Variants in CNTNAP2 observed in about 807,000 individuals in gnomAD.
The protein encoded by CNTNAP2 is contactin-associated protein-like 2.
A neutral mutation model predicts 155.2 loss-of-function variants in CNTNAP2; 98 were observed. The ratio of observed to expected loss-of-function variants is 0.63; its 90% CI spans 0.54 to 0.75. The LOEUF is 0.75. Among genes scored for constraint, CNTNAP2 ranks in the 30% least tolerant of loss-of-function variants. The pLI, the probability that CNTNAP2 is intolerant of heterozygous loss-of-function variation, is 0.00. For synonymous variants in CNTNAP2, 651 were observed against 631.2 expected, an observed-to-expected ratio of 1.03 and a Z score of -0.47; for missense variants, 1,727 against 1,688.1, an observed-to-expected ratio of 1.02 and a Z score of -0.40.
At chr7:148,254,914 T>C (rs1796434003) in intron 20 of CNTNAP2, among the ~76,000 whole-genome samples, 1 of 152,192 alleles carries the variant, frequency 6.6e-6, no homozygotes, top group African/African-American at 2.4e-5. Context: ...TGTTTGTTTT[T>C]CTTCCTCCTA....
At chr7:146,161,495 G>C (rs1005384485) in intron 1 of CNTNAP2, among the ~76,000 whole-genome samples, 2 of 152,130 alleles carry the variant, frequency 1.3e-5, no homozygotes, top group Non-Finnish European at 2.9e-5. Context: ...ACAAACCACT[G>C]CTCAACGAAA....
chr7:146,594,450 A>ACACC (rs908443389), intron 1 of CNTNAP2, among the ~76,000 whole-genome samples: 2 of 151,854 alleles, frequency 1.3e-5, no homozygotes, highest in African/African-American at 4.8e-5. Context: ...ACACACACAC[A>ACACC]CACACACTTT....
chr7:147,657,301 G>A (rs1004495514), intron 13 of CNTNAP2, among the ~76,000 whole-genome samples: 1 of 152,144 alleles, frequency 6.6e-6, no homozygotes, highest in African/African-American at 2.4e-5. Context: ...AAAAGTGACA[G>A]AGGCAGAAAA....
At chr7:147,468,845 T>TC (rs751496536) in intron 10 of CNTNAP2, among the ~76,000 whole-genome samples, 15 of 59,898 alleles carry the variant, frequency 2.5e-4, no homozygotes, top group Non-Finnish European at 3.8e-4. Context: ...CTTCTTCTTT[T>TC]TTTTTTTTCC....
At chr7:148,373,094 T>C (rs1278820438) in intron 21 of CNTNAP2, among the ~76,000 whole-genome samples, 1 of 152,126 alleles carries the variant, frequency 6.6e-6, no homozygotes, top group Non-Finnish European at 1.5e-5. Flanking sequence ...AACAATGCCT[T>C]CTTCTGGAAT....
chr7:146,600,507 C>T (rs1437403866), intron 1 of CNTNAP2, among the ~76,000 whole-genome samples: 3 of 152,058 alleles, frequency 2.0e-5, no homozygotes. Flanking sequence ...CACACATAAT[C>T]ATATTCTAAA....
chr7:147,783,104 A>C lies in CNTNAP2; in HGVS notation c.2099-120461A>C, dbSNP rs1293994178. The stretch of plus-strand genomic sequence containing the variant: ...TTTCAAATGAAATAACGTAGTTTTC[A>C]CTTAAACAATCCCTAGTGTGAAATC... On this transcript the variant is annotated intron_variant, in intron 13 of 23. Coordinates refer to ENST00000361727, the MANE Select transcript of CNTNAP2 (RefSeq NM_014141.6). Among the ~76,000 whole-genome samples, 5 of 152,224 alleles carry C rather than the reference A, an allele frequency of 3.3e-5. 1 individual carries two copies. The highest frequency in any genetic ancestry group is 1.2e-4 in the African/African-American group (5 of 41,462).
chr7:146,707,149 GC>G (rs1481555512), intron 1 of CNTNAP2, among the ~76,000 whole-genome samples: 1 of 152,084 alleles, frequency 6.6e-6, no homozygotes, highest in Non-Finnish European at 1.5e-5. Flanking sequence ...ATTCTGGGTG[GC>G]CATTGCTGCT....
intron 8 of CNTNAP2, among the ~76,000 whole-genome samples, chr7:147,288,099 G>A (rs2116740488): frequency 6.6e-6 from 1 of 152,218 alleles, no homozygotes. Flanking sequence ...CAGGGCCTTT[G>A]CATCAAATCA....
At chr7:146,732,631 T>A (rs1585064388) in intron 1 of CNTNAP2, among the ~76,000 whole-genome samples, 2 of 152,252 alleles carry the variant, frequency 1.3e-5, no homozygotes, top group Middle Eastern at 3.4e-3. Context: ...TAACACTGAT[T>A]TGGCCATCAT....
At chr7:147,138,213 A>C (rs2129286618) in intron 8 of CNTNAP2, among the ~76,000 whole-genome samples, 1 of 152,064 alleles carries the variant, frequency 6.6e-6, no homozygotes, top group South Asian at 2.1e-4. Flanking sequence ...ATGGAGCCTA[A>C]GAAATTCTGA....
intron 14 of CNTNAP2, among the ~76,000 whole-genome samples, chr7:147,916,188 A>T (rs963003470): frequency 6.6e-6 from 1 of 152,120 alleles, no homozygotes; most frequent in Admixed American, 6.5e-5. Context: ...AACACCTGTT[A>T]TTGGCAATGG....
intron 12 of CNTNAP2, among the ~76,000 whole-genome samples, chr7:147,638,350 G>T (rs568425691): frequency 6.6e-6 from 1 of 152,288 alleles, no homozygotes; most frequent in East Asian, 1.9e-4. Context: ...CAGTCCTTGT[G>T]TAGGAGCTTT....
chr7:146,432,858 G>A (rs1724501), intron 1 of CNTNAP2, among the ~76,000 whole-genome samples: 5,406 of 152,174 alleles, frequency 0.036, 340 homozygotes, highest in African/African-American at 0.12. Flanking sequence ...TGCATTCTCC[G>A]TGCCGGTTGA....
chr7:146,597,638 A>G (rs915017906), intron 1 of CNTNAP2, among the ~76,000 whole-genome samples: 3 of 152,090 alleles, frequency 2.0e-5, no homozygotes, highest in Non-Finnish European at 4.4e-5. Flanking sequence ...AATTTACAAA[A>G]GAAACACAAC....
At chr7:146,481,005 A>ATTTT (rs57393867) in intron 1 of CNTNAP2, among the ~76,000 whole-genome samples, 11 of 150,174 alleles carry the variant, frequency 7.3e-5, no homozygotes, top group Admixed American at 6.0e-4. Flanking sequence ...ATTAATGAAA[A>ATTTT]TTTTTTTTTT....
chr7:146,764,894 G>A (rs1387445808), intron 1 of CNTNAP2, among the ~76,000 whole-genome samples: 1 of 151,982 alleles, frequency 6.6e-6, no homozygotes, highest in South Asian at 2.1e-4. Flanking sequence ...TATTAAAATT[G>A]CATTGATTGT....
intron 17 of CNTNAP2, among the ~76,000 whole-genome samples, chr7:148,170,506 C>A (rs1326949492): frequency 6.6e-6 from 1 of 152,220 alleles, no homozygotes; most frequent in Non-Finnish European, 1.5e-5. Flanking sequence ...ATGGGAAATC[C>A]TTCAAAGTAG....
At chr7:147,489,932 C>T (rs1005117314) in intron 11 of CNTNAP2, among the ~76,000 whole-genome samples, 38 of 152,276 alleles carry the variant, frequency 2.5e-4, no homozygotes, top group African/African-American at 7.9e-4. Flanking sequence ...CTTATATATA[C>T]TACTAGTTCC....
Sources: gnomAD v4.1 joint callset for allele counts (sites outside exome capture counted in the v4.1 genomes callset) on GRCh38, gnomAD v4.1.1 for gene constraint, MANE v1.5 for transcripts, NCBI Gene and HGNC (gene_info 2026-07-23, HGNC 2026-07-21) for gene names.